Variants in P2RX5 observed in about 807,000 individuals in gnomAD.
P2RX5 encodes P2X purinoceptor 5.
In P2RX5, 46 loss-of-function variants were observed where a neutral mutation model predicts 54.1. The ratio of observed to expected loss-of-function variants is 0.85; its 90% CI spans 0.67 to 1.09. The LOEUF (loss-of-function observed/expected upper bound fraction) is 1.09. P2RX5 is among the 50% of genes least tolerant of loss of function. The pLI is 0.00. For synonymous variants in P2RX5, 226 were observed against 226.4 expected (o/e 1.00, Z 0.02); for missense variants, 566 against 549.8 (o/e 1.03, Z -0.29).
the P2RX5 span, among the ~76,000 whole-genome samples, chr17:3,712,159 C>T: frequency 1.3e-5 from 2 of 152,176 alleles, no homozygotes; most frequent in African/African-American, 4.8e-5. Flanking sequence ...GTGTGTTTTC[C>T]CTCAAAGGCA....
Position 3,689,099 on chromosome 17 carries a change from G to A in P2RX5, c.754-340C>T, listed in dbSNP as rs1296989335. 9.9e-5 allele frequency among the ~76,000 whole-genome samples: 15 copies of A among 152,284 alleles called. 1 individual carries two copies. The highest frequency in any genetic ancestry group is 2.9e-5 in the Non-Finnish European group (2 of 68,048). On this transcript the variant is annotated intron_variant, in intron 7 of 11. Transcript: ENST00000225328. Reference sequence around the variant, plus strand: ...CCCAAGGACTCAGAACCGCACAGCAGGTGCCAGGTCTGGCTCTCACTGACT... The same window carrying A: ...CCCAAGGACTCAGAACCGCACAGCAAGTGCCAGGTCTGGCTCTCACTGACT...
chr17:3,699,894 G>A (rs1316504698), upstream of P2RX5, among the ~76,000 whole-genome samples: 258 of 29,006 alleles, frequency 8.9e-3, 4 homozygotes, highest in Middle Eastern at 0.021. Context: ...AGGAAGGAAG[G>A]AAGGAAGGAA....
chr17:3,695,835 C>G, intron 1 of P2RX5, 34 bp downstream of exon 1: 1 of 1,598,284 alleles, frequency 6.3e-7, no homozygotes, highest in Non-Finnish European at 8.6e-7. Context: ...CCCTGCCCCT[C>G]CCCCGCCTTC....
chr17:3,698,097 G>T (rs547787277), upstream of P2RX5, among the ~76,000 whole-genome samples: 1 of 151,514 alleles, frequency 6.6e-6, no homozygotes, highest in African/African-American at 2.4e-5. Flanking sequence ...CCCCAGTCAT[G>T]ACTGCGAATT....
At chr17:3,708,452 A>AG in the P2RX5 span, among the ~76,000 whole-genome samples, 2 of 115,608 alleles carry the variant, frequency 1.7e-5, no homozygotes, top group Non-Finnish European at 3.9e-5. Flanking sequence ...AAAAGCATAG[A>AG]GGAAAAAAAA....
At chr17:3,704,621 C>T in the P2RX5 span, among the ~76,000 whole-genome samples, 1 of 152,202 alleles carries the variant, frequency 6.6e-6, no homozygotes, top group Non-Finnish European at 1.5e-5. Flanking sequence ...CAGTACCCAG[C>T]GCCCAATATT....
chr17:3,689,964 A>G, intron 6 of P2RX5, 106 bp downstream of exon 6: 2 of 996,068 alleles, frequency 2.0e-6, no homozygotes, highest in South Asian at 2.5e-5. Flanking sequence ...ACACACGTGC[A>G]CACACGCGCG....
chr17:3,680,158 G>GGTGTCCTCCACCCTGCATCCTCCACCCA (rs2050212731), intron 10 of P2RX5, among the ~76,000 whole-genome samples: 12 of 39,092 alleles, frequency 3.1e-4, no homozygotes, highest in Admixed American at 7.1e-4. Context: ...TCCTCCATCC[G>GGTGTCCTCCACCCTGCATCCTCCACCCA]GTGTCCTCCA....
chr17:3,691,160 C>A (rs1422609391), intron 2 of P2RX5, 133 bp from the exon 3 acceptor site: 5 of 696,242 alleles, frequency 7.2e-6, no homozygotes, highest in East Asian at 2.7e-5. Flanking sequence ...ACTTGGTATA[C>A]TCTGCCCATC....
At chr17:3,681,329 C>T (rs2050273861) in intron 10 of P2RX5, among the ~76,000 whole-genome samples, 1 of 152,156 alleles carries the variant, frequency 6.6e-6, no homozygotes, top group African/African-American at 2.4e-5. Context: ...AAGGCCTTCC[C>T]CAAAGGCCGA....
intron 6 of P2RX5, among the ~76,000 whole-genome samples, 157 bp downstream of exon 6, chr17:3,689,913 G>C (rs1030859295): frequency 9.9e-5 from 15 of 151,064 alleles, no homozygotes; most frequent in Non-Finnish European, 1.6e-4. Context: ...CATGCACACA[G>C]ACACATGCAC....
the P2RX5 span, among the ~76,000 whole-genome samples, chr17:3,703,705 T>C: frequency 6.6e-6 from 1 of 152,114 alleles, no homozygotes; most frequent in Admixed American, 6.6e-5. Context: ...CCTCCAGCTC[T>C]GGTGAGGGTG....
In P2RX5 at chr17:3,673,470, C is replaced by G; in HGVS notation, c.*398G>C. On this transcript the variant is annotated 3_prime_UTR_variant, in exon 12 of 12. Transcript: ENST00000225328. Reference sequence around the variant, plus strand: ...GGAGTGGGCTGGAACCAAATGGAGCCCTTTTCCGGACACGCACAATGCTAT... The same window carrying G: ...GGAGTGGGCTGGAACCAAATGGAGCGCTTTTCCGGACACGCACAATGCTAT... The G allele has an allele frequency of 4.5e-6, 5 of 1,114,982 alleles. No individual in the cohort carries two copies. Among genetic ancestry groups the G allele is most frequent in the Non-Finnish European group, 5.5e-6 (5 of 906,564 alleles). The allele number at this position is 1,114,982 out of a possible 1,614,324, so 69.1% of individuals were successfully genotyped here. A position where few individuals can be genotyped will look rare whatever the true frequency, so the allele number is the denominator to read the frequency against.
At chr17:3,713,129 G>C in the P2RX5 span, among the ~76,000 whole-genome samples, 1 of 152,208 alleles carries the variant, frequency 6.6e-6, no homozygotes, top group East Asian at 1.9e-4. Context: ...GGCTAAGGCA[G>C]GAGGATCACT....
chr17:3,716,685 G>A, the P2RX5 span: 6 of 1,550,330 alleles, frequency 3.9e-6, no homozygotes, highest in Non-Finnish European at 5.3e-6. Context: ...GAGTAGAACT[G>A]ACCTTGAACA....
intron 10 of P2RX5, among the ~76,000 whole-genome samples, chr17:3,680,265 C>T (rs1215486493): frequency 2.8e-5 from 4 of 143,090 alleles, no homozygotes; most frequent in African/African-American, 8.0e-5. Context: ...CTGCATCCTC[C>T]ACCCAGTGTC....
chr17:3,674,131 A>G (rs541437574), intron 11 of P2RX5, among the ~76,000 whole-genome samples: 35 of 152,204 alleles, frequency 2.3e-4, no homozygotes, highest in Admixed American at 5.2e-4. Context: ...TGATTAACAC[A>G]GTGAAACCCC....
intron 9 of P2RX5, among the ~76,000 whole-genome samples, chr17:3,685,779 G>A (rs1458845356): frequency 1.0e-4 from 1 of 9,840 alleles, no homozygotes; most frequent in African/African-American, 1.6e-4. Flanking sequence ...AACGTCCCCC[G>A]CCCCCCGCCC....
rs373335730 is a variant in P2RX5 at position 3,673,452 on chromosome 17, G to A, written c.*416C>T. On this transcript the variant is annotated 3_prime_UTR_variant, in exon 12 of 12. Coordinates refer to ENST00000225328, the MANE Select transcript of P2RX5 (RefSeq NM_002561.4). The stretch of plus-strand genomic sequence containing the variant: ...CTGCGGCACTTGCAGAGGGGAGTGG[G>A]CTGGAACCAAATGGAGCCCTTTTCC... 3 of 1,104,102 alleles carry A rather than the reference G, an allele frequency of 2.7e-6. No individual in the cohort carries two copies. Among genetic ancestry groups the A allele is most frequent in the East Asian group, 1.3e-4 (2 of 15,182 alleles). 68.4% of individuals were successfully genotyped at this position (1,104,102 alleles called of 1,614,324 possible).
Sources: allele counts gnomAD v4.1 joint callset (sites outside exome capture counted in the v4.1 genomes callset), GRCh38; gene constraint gnomAD v4.1.1; transcripts MANE v1.5; gene names NCBI Gene and HGNC (gene_info 2026-07-23, HGNC 2026-07-21).